The following PRRC1 variants were observed in gnomAD, a reference collection of about 807,000 sequenced individuals.
PRRC1 encodes the protein proline rich coiled-coil 1.
A neutral mutation model predicts 40.7 loss-of-function variants in PRRC1; 39 were observed. The observed-to-expected ratio is 0.96, with a 90% confidence interval of 0.74 to 1.25. The LOEUF is 1.25. Ranked by LOEUF, PRRC1 falls within the 50% of genes most tolerant of loss-of-function variation. PRRC1 has a pLI of 0.00. For missense variants in PRRC1, 573 were observed against 548.3 expected (o/e 1.05, Z -0.45); for synonymous variants, 175 against 193.3 (o/e 0.91, Z 0.79).
At position 127,526,642 on chromosome 5, in the gene PRRC1, A is replaced by G. The variant is rs752177743; in HGVS notation, c.518A>G (p.Gln173Arg). The change falls in exon 4 of 9, where the codon CAG (glutamine) becomes CGG (arginine). Residue 173 changes from glutamine to arginine, a missense_variant. Physicochemically the swap from Gln to Arg is conservative, Grantham distance 43. Transcript: ENST00000296666. ...GTGLLPTPIT[Q>R]QASLTSLAQG... ...GGTCTTTTGCCAACTCCTATTACTC[A>G]GCAAGCCAGTTTGACATCTCTGGCA... The G allele has an allele frequency of 9.9e-6, 16 of 1,612,988 alleles. 1 individual carries two copies. In the South Asian group the frequency reaches 1.8e-4, roughly 18 times the overall value.
At chr5:127,533,809 C>T (rs1767832851) in intron 6 of PRRC1, 23 bp downstream of exon 6, 1 of 1,612,392 alleles carries the variant, frequency 6.2e-7, no homozygotes, top group African/African-American at 1.3e-5. Context: ...ACACCATTTT[C>T]AGGACATGGA....
At chr5:127,532,397 G>A (rs1342648290) in intron 5 of PRRC1, among the ~76,000 whole-genome samples, 5 of 152,100 alleles carry the variant, frequency 3.3e-5, no homozygotes, top group African/African-American at 7.2e-5. Context: ...GTGAACCACC[G>A]CGCCCGGCCA....
intron 1 of PRRC1, among the ~76,000 whole-genome samples, chr5:127,518,902 C>T (rs1767386750): frequency 6.6e-6 from 1 of 152,168 alleles, no homozygotes; most frequent in African/African-American, 2.4e-5. Context: ...CAGTTACCAA[C>T]TCTGACACTT....
rs1214127344 is a variant in PRRC1, at chr5:127,554,395, TC to T, written c.*2481del. 1 of 152,196 alleles carries T rather than the reference TC, an allele frequency of 6.6e-6. No individual in the cohort carries two copies. Among genetic ancestry groups the T allele is most frequent in the Non-Finnish European group, 1.5e-5 (1 of 68,058 alleles). The allele number at this position is 152,196 out of a possible 1,614,324, so 9.4% of individuals were successfully genotyped here. ...TGATTTTTTTTTTCTTCCGAAGAAC[TC>T]CTGGTTGTTATTGGATTTTGTATTT... is the stretch of plus-strand genomic sequence containing the variant. On this transcript the variant is annotated 3_prime_UTR_variant, in exon 9 of 9. Transcript: ENST00000296666.
chr5:127,521,448 G>A (rs1767455199), intron 1 of PRRC1, among the ~76,000 whole-genome samples: 1 of 152,180 alleles, frequency 6.6e-6, no homozygotes, highest in African/African-American at 2.4e-5. Flanking sequence ...AGCCAATGGG[G>A]GAAAGACACA....
At chr5:127,543,034 A>G (rs1325731335) in intron 7 of PRRC1, among the ~76,000 whole-genome samples, 1 of 138,624 alleles carries the variant, frequency 7.2e-6, no homozygotes, top group Non-Finnish European at 1.6e-5. Context: ...TTCCATGTTT[A>G]GTGCTTCCTT....
intron 7 of PRRC1, 80 bp downstream of exon 7, chr5:127,539,223 T>C: frequency 1.0e-6 from 1 of 995,550 alleles, no homozygotes; most frequent in East Asian, 2.4e-5. Flanking sequence ...AAAAAGTGTC[T>C]CCTGTTTTAT....
At chr5:127,521,638 A>G (rs1767463017) in intron 1 of PRRC1, among the ~76,000 whole-genome samples, 1 of 152,198 alleles carries the variant, frequency 6.6e-6, no homozygotes, top group African/African-American at 2.4e-5. Context: ...TATTTCTAAC[A>G]CAGTGACACT....
chr5:127,543,788 A>G (rs1374048650), intron 7 of PRRC1, among the ~76,000 whole-genome samples: 1 of 151,736 alleles, frequency 6.6e-6, no homozygotes, highest in Non-Finnish European at 1.5e-5. Context: ...ATTTTTTTCA[A>G]AGTTTTCAAC....
chr5:127,543,820 T>A (rs575618096), intron 7 of PRRC1, among the ~76,000 whole-genome samples: 1 of 152,246 alleles, frequency 6.6e-6, no homozygotes, highest in African/African-American at 2.4e-5. Context: ...TGGTTTGAAT[T>A]TCCTTCTGTA....
chr5:127,551,725 C>T lies in PRRC1; in HGVS notation c.1147C>T (p.Gln383Ter), dbSNP rs567764023. 1 of 1,614,024 alleles carries T rather than the reference C, an allele frequency of 6.2e-7. No individual in the cohort carries two copies. Among genetic ancestry groups the T allele is most frequent in the South Asian group, 1.1e-5 (1 of 91,078 alleles). The change falls in exon 9 of 9, where the codon CAG (glutamine) becomes TAG (stop). Residue 383 changes from glutamine (Q) to a stop codon, truncating the protein, a stop_gained. Transcript: ENST00000296666. LOFTEE classifies it high-confidence loss of function. ...TCCACAGGCTCAAAGTCTAACTCCC[C>T]AGGACTATAATCTGAGGTGGTCAGG... Reference protein sequence around the residue: ...FVQQAQSLTPQDYNLRWSGLL... With the variant: ...FVQQAQSLTP
chr5:127,524,768 C>T lies in PRRC1; in HGVS notation c.341C>T (p.Thr114Ile). ...NPPVSHFPPSTSAPNTLLPAP... is the reference protein window; with the variant it reads ...NPPVSHFPPSISAPNTLLPAP... ...CCTGTATCTCACTTCCCACCTTCAA[C>T]TTCTGCCCCAAACACTCTTTTACCT... The change falls in exon 3 of 9, where the codon ACT becomes ATT. Residue 114 changes from threonine (T) to isoleucine (I), a missense_variant. Physicochemically the swap from Thr to Ile is moderately conservative, Grantham distance 89. Coordinates refer to ENST00000296666, the MANE Select transcript of PRRC1 (RefSeq NM_130809.5). The T allele has an allele frequency of 6.2e-7, 1 of 1,614,204 alleles. No homozygotes were observed. The highest frequency in any genetic ancestry group is 1.3e-5 in the African/African-American group (1 of 75,046).
At chr5:127,522,963 C>T (rs73333162) in intron 1 of PRRC1, among the ~76,000 whole-genome samples, 1 of 151,720 alleles carries the variant, frequency 6.6e-6, no homozygotes, top group African/African-American at 2.4e-5. Context: ...TTAATAATGA[C>T]TGAAATTTAT....
chr5:127,524,777 C>G lies in PRRC1; in HGVS notation c.350C>G (p.Pro117Arg). 6.2e-7 allele frequency: 1 copy of G among 1,614,190 alleles called. No homozygotes were observed. The highest frequency in any genetic ancestry group is 8.5e-7 in the Non-Finnish European group (1 of 1,180,036). Reference protein sequence around the residue: ...VSHFPPSTSAPNTLLPAPPSG... With the variant: ...VSHFPPSTSARNTLLPAPPSG... ...CACTTCCCACCTTCAACTTCTGCCC[C>G]AAACACTCTTTTACCTGCACCCCCT... is the stretch of plus-strand genomic sequence containing the variant. Residue 117 changes from proline to arginine, a missense_variant, in exon 3 of 9, where the codon CCA becomes CGA. By Grantham distance (103) the Pro-to-Arg change is moderately radical. Transcript: ENST00000296666.
intron 1 of PRRC1, among the ~76,000 whole-genome samples, chr5:127,522,898 A>G (rs1767497349): frequency 6.6e-6 from 1 of 152,032 alleles, no homozygotes; most frequent in South Asian, 2.1e-4. Context: ...AGCCTCCCAA[A>G]GTCCTGGGAT....
chr5:127,533,637 C>G lies in PRRC1; in HGVS notation c.772C>G (p.Leu258Val), dbSNP rs759127706. ...MAPYIKSGGELDIVVTSNKEV... is the reference protein window; with the variant it reads ...MAPYIKSGGEVDIVVTSNKEV... The stretch of plus-strand genomic sequence containing the variant: ...GGTCTTTTTAGAATCTGGAGGTGAA[C>G]TGGATATTGTAGTGACCTCAAATAA... The change falls in exon 6 of 9, where the codon CTG becomes GTG. Residue 258 changes from leucine to valine, a missense_variant. Physicochemically the swap from Leu to Val is conservative, Grantham distance 32. Transcript: ENST00000296666. 1 of 1,611,954 alleles carries G rather than the reference C, an allele frequency of 6.2e-7. No individual in the cohort carries two copies. Among genetic ancestry groups the G allele is most frequent in the African/African-American group, 1.3e-5 (1 of 74,838 alleles).
Position 127,523,744 on chromosome 5 carries a change from T to C in PRRC1, c.103+162T>C, listed in dbSNP as rs560429530. Reference sequence around the variant, plus strand: ...TTTAATTTAAAGAATAGAAAGAAAGTCTTGTGTATTTAAAGTAAGAAAACA... The same window carrying C: ...TTTAATTTAAAGAATAGAAAGAAAGCCTTGTGTATTTAAAGTAAGAAAACA... On this transcript the variant is annotated intron_variant, in intron 2 of 8. Coordinates refer to ENST00000296666, the MANE Select transcript of PRRC1 (RefSeq NM_130809.5). The C allele has an allele frequency of 7.3e-4, 322 of 441,604 alleles. 1 individual carries two copies. Among genetic ancestry groups the C allele is most frequent in the African/African-American group, 5.9e-3 (296 of 50,010 alleles). The allele number at this position is 441,604 out of a possible 1,614,324, so 27.4% of individuals were successfully genotyped here. A position where few individuals can be genotyped will look rare whatever the true frequency, so the allele number is the denominator to read the frequency against.
intron 1 of PRRC1, among the ~76,000 whole-genome samples, chr5:127,518,333 G>GAA (rs1257210942): frequency 6.6e-6 from 1 of 152,270 alleles, no homozygotes; most frequent in Non-Finnish European, 1.5e-5. Context: ...TCGGTGCTTA[G>GAA]CGCCGCTTGG....
intron 5 of PRRC1, among the ~76,000 whole-genome samples, chr5:127,531,978 G>A (rs902653417): frequency 3.3e-5 from 5 of 152,052 alleles, no homozygotes; most frequent in African/African-American, 1.2e-4. Flanking sequence ...TCTATTATTA[G>A]CAAATGTCAT....
Sources: gnomAD v4.1 joint callset for allele counts (sites outside exome capture counted in the v4.1 genomes callset) on GRCh38, gnomAD v4.1.1 for gene constraint, MANE v1.5 for transcripts, NCBI Gene and HGNC (gene_info 2026-07-23, HGNC 2026-07-21) for gene names.